BNC2: variants seen among roughly 807,000 people sequenced by gnomAD.
BNC2 encodes basonuclin zinc finger protein 2.
A neutral mutation model predicts 76.3 loss-of-function variants in BNC2; 20 were observed. That is an observed-to-expected ratio of 0.26 (90% CI 0.18 to 0.38). The LOEUF (loss-of-function observed/expected upper bound fraction) is 0.38, where lower values mean the gene tolerates loss of function less well. BNC2 is among the 10% of genes least tolerant of loss of function. The probability of loss-of-function intolerance (pLI) is 1.00; values close to 1 mark genes in which losing one functional copy is unlikely to be tolerated. For synonymous variants in BNC2, 582 were observed against 514.8 expected (o/e 1.13, Z -1.77); for missense variants, 1,382 against 1,399.8 (o/e 0.99, Z 0.20).
intron 3 of BNC2, among the ~76,000 whole-genome samples, chr9:16,623,241 T>C (rs375826646): frequency 1.6e-4 from 25 of 152,186 alleles, no homozygotes; most frequent in African/African-American, 5.8e-4. Flanking sequence ...CCACCAGAGA[T>C]TGAAAGTGCG....
intron 6 of BNC2, chr9:16,430,003 A>T (rs1820875537): frequency 2.0e-6 from 1 of 512,042 alleles, no homozygotes; most frequent in Non-Finnish European, 3.9e-6. Context: ...CCAGTATCTA[A>T]AAAGAACCCC....
intron 1 of BNC2, among the ~76,000 whole-genome samples, chr9:16,845,601 G>T (rs1818956502): frequency 6.6e-6 from 1 of 152,006 alleles, no homozygotes; most frequent in South Asian, 2.1e-4. Flanking sequence ...TGGGCCTGTA[G>T]TCCCAGCTAC....
chr9:16,711,983 T>C (rs1241535194), intron 3 of BNC2, among the ~76,000 whole-genome samples: 8 of 152,212 alleles, frequency 5.3e-5, no homozygotes, highest in Non-Finnish European at 1.0e-4. Flanking sequence ...GGAAAGTAAT[T>C]AGTACAAAAT....
At chr9:16,841,412 T>C (rs1200407474) in intron 1 of BNC2, among the ~76,000 whole-genome samples, 1 of 152,190 alleles carries the variant, frequency 6.6e-6, no homozygotes, top group South Asian at 2.1e-4. Flanking sequence ...ACACTATAAA[T>C]ACTTAGAAAA....
At chr9:16,467,339 C>T (rs1411584914) in intron 5 of BNC2, among the ~76,000 whole-genome samples, 4 of 147,840 alleles carry the variant, frequency 2.7e-5, no homozygotes, top group African/African-American at 7.7e-5. Context: ...TGGGTATATA[C>T]CCAAAGGACT....
intron 5 of BNC2, among the ~76,000 whole-genome samples, chr9:16,530,121 A>G (rs1017797135): frequency 6.6e-6 from 1 of 151,530 alleles, no homozygotes; most frequent in African/African-American, 2.4e-5. Flanking sequence ...CCCAAAGTGC[A>G]TGAGCCACCG....
chr9:16,686,433 A>C (rs2134357843), intron 3 of BNC2, among the ~76,000 whole-genome samples: 1 of 152,222 alleles, frequency 6.6e-6, no homozygotes, highest in South Asian at 2.1e-4. Flanking sequence ...TTCCACCTAA[A>C]CATGTTTTCT....
In BNC2 at chr9:16,436,027, C is replaced by T. The variant is rs1821004119; in HGVS notation, c.2167G>A (p.Glu723Lys). 6.2e-7 allele frequency: 1 copy of T among 1,614,072 alleles called. No homozygotes were observed. The highest frequency in any genetic ancestry group is 1.7e-5 in the Admixed American group (1 of 60,004). The change falls in exon 6 of 7, where the codon GAG becomes AAG. Residue 723 changes from glutamate to lysine, a missense_variant. Physicochemically the swap from Glu to Lys is moderately conservative, Grantham distance 56. Around this residue, in one of 3 missense-constraint regions of BNC2, gnomAD observed 798 missense variants for 775.5 expected, o/e 1.03. Coordinates refer to ENST00000380672, the MANE Select transcript of BNC2 (RefSeq NM_017637.6). ...SEDQEPERDY[E>K]NESESSEPKL... ...GGCTCCGAAGACTCAGACTCGTTCT[C>T]ATAGTCCCGCTCAGGTTCTTGGTCT...
At chr9:16,759,794 G>A (rs964396416) in intron 1 of BNC2, among the ~76,000 whole-genome samples, 1 of 151,312 alleles carries the variant, frequency 6.6e-6, no homozygotes, top group African/African-American at 2.4e-5. Context: ...CACCATCCCG[G>A]CTCACTGCCT....
At chr9:16,780,275 A>C (rs1176345948) in intron 1 of BNC2, among the ~76,000 whole-genome samples, 1 of 137,498 alleles carries the variant, frequency 7.3e-6, no homozygotes, top group Non-Finnish European at 1.6e-5. Flanking sequence ...AACTACTGAA[A>C]CTAATAAAAA....
At chr9:16,586,083 G>T (rs140886865) in intron 3 of BNC2, among the ~76,000 whole-genome samples, 5 of 152,044 alleles carry the variant, frequency 3.3e-5, no homozygotes, top group African/African-American at 4.8e-5. Flanking sequence ...TCCATTATTG[G>T]AAACTGTCTG....
intron 5 of BNC2, among the ~76,000 whole-genome samples, chr9:16,499,674 C>T (rs970487092): frequency 4.6e-5 from 7 of 151,600 alleles, no homozygotes; most frequent in African/African-American, 1.5e-4. Flanking sequence ...GGACTACAGG[C>T]GCCTGCCACC....
chr9:16,785,316 T>C (rs754276450), intron 1 of BNC2, among the ~76,000 whole-genome samples: 4 of 152,144 alleles, frequency 2.6e-5, no homozygotes, highest in Non-Finnish European at 4.4e-5. Context: ...TTCACAGATA[T>C]CACCACTGCA....
At chr9:16,755,182 C>T (rs1478692914) in intron 1 of BNC2, among the ~76,000 whole-genome samples, 1 of 151,956 alleles carries the variant, frequency 6.6e-6, no homozygotes, top group Non-Finnish European at 1.5e-5. Context: ...TCCAAATAAG[C>T]AACAGTTCAA....
chr9:16,464,645 G>A (rs930117561), intron 5 of BNC2, among the ~76,000 whole-genome samples: 1 of 151,884 alleles, frequency 6.6e-6, no homozygotes, highest in African/African-American at 2.4e-5. Flanking sequence ...TTTAATTTTT[G>A]TCTCGGGTTC....
chr9:16,755,797 T>C (rs1162769993), intron 1 of BNC2, among the ~76,000 whole-genome samples: 1 of 152,218 alleles, frequency 6.6e-6, no homozygotes, highest in Non-Finnish European at 1.5e-5. Context: ...TGGCACCATC[T>C]GCTATTGAGG....
chr9:16,676,478 T>C (rs1822646648), intron 3 of BNC2, among the ~76,000 whole-genome samples: 1 of 152,246 alleles, frequency 6.6e-6, no homozygotes, highest in African/African-American at 2.4e-5. Context: ...TCTTATTTAA[T>C]ACTTCTTACA....
intron 6 of BNC2, chr9:16,429,908 C>A (rs1319717263): frequency 2.0e-6 from 1 of 509,194 alleles, no homozygotes; most frequent in Non-Finnish European, 3.9e-6. Context: ...AGCAGGAGGT[C>A]ATTAGGAAGA....
At chr9:16,584,286 C>T (rs1023449974) in intron 3 of BNC2, among the ~76,000 whole-genome samples, 101 of 152,262 alleles carry the variant, frequency 6.6e-4, no homozygotes, top group African/African-American at 2.1e-3. Flanking sequence ...ATTTCTGGAA[C>T]CATTAGGATT....
Sources: allele counts gnomAD v4.1 joint callset (sites outside exome capture counted in the v4.1 genomes callset), GRCh38; gene constraint gnomAD v4.1.1; regional missense constraint gnomAD v4.1.1; transcripts MANE v1.5; gene names NCBI Gene and HGNC (gene_info 2026-07-23, HGNC 2026-07-21).